The following ANK3 variants were observed in gnomAD, a reference collection of about 807,000 sequenced individuals.
ANK3 encodes ankyrin-3.
In ANK3, 57 loss-of-function variants were observed where a neutral mutation model predicts 370.9. That is an observed-to-expected ratio of 0.15 (90% confidence interval 0.12 to 0.19). ANK3 has a LOEUF of 0.19. Among genes scored for constraint, ANK3 ranks in the 10% least tolerant of loss-of-function variants. The pLI, the probability that ANK3 is intolerant of heterozygous loss-of-function variation, is 1.00. For synonymous variants in ANK3, 1,929 were observed against 1,946.3 expected (o/e 0.99, Z 0.23); for missense variants, 4,439 against 5,302.1 (o/e 0.84, Z 5.06).
intron 1 of ANK3, among the ~76,000 whole-genome samples, chr10:60,289,108 C>G (rs75128948): frequency 9.9e-5 from 15 of 152,120 alleles, no homozygotes; most frequent in African/African-American, 3.4e-4. Context: ...CCTAGGGGGG[C>G]TAGCTGTGGA....
chr10:60,444,210 T>G (rs1324846663), intron 2 of ANK3, among the ~76,000 whole-genome samples: 1 of 152,090 alleles, frequency 6.6e-6, no homozygotes, highest in Non-Finnish European at 1.5e-5. Flanking sequence ...TTCTGGCAAC[T>G]GATTATGGTA....
At chr10:60,433,227 G>C (rs2064075489) in intron 2 of ANK3, among the ~76,000 whole-genome samples, 1 of 152,150 alleles carries the variant, frequency 6.6e-6, no homozygotes, top group Admixed American at 6.5e-5. Flanking sequence ...GGAGGCCAAG[G>C]TGGGTGGATT....
intron 2 of ANK3, among the ~76,000 whole-genome samples, chr10:60,536,060 T>C (rs556754255): frequency 6.6e-6 from 1 of 152,230 alleles, no homozygotes; most frequent in South Asian, 2.1e-4. Flanking sequence ...AAAAGAATTC[T>C]ATGTGGTTGC....
At chr10:60,039,068 T>C (rs946843935) in intron 43 of ANK3, among the ~76,000 whole-genome samples, 17 of 152,204 alleles carry the variant, frequency 1.1e-4, no homozygotes, top group Admixed American at 3.3e-4. Flanking sequence ...CATTTCTTTT[T>C]CCCATTGCAG....
intron 11 of ANK3, among the ~76,000 whole-genome samples, chr10:60,204,735 C>G (rs1591699436): frequency 6.6e-6 from 1 of 152,018 alleles, no homozygotes; most frequent in African/African-American, 2.4e-5. Context: ...TTCCAAGGAG[C>G]CTTCAGCCTC....
At chr10:60,193,858 C>A (rs534116863) in intron 16 of ANK3, among the ~76,000 whole-genome samples, 1 of 151,764 alleles carries the variant, frequency 6.6e-6, no homozygotes, top group African/African-American at 2.4e-5. Flanking sequence ...AGGTAGCTCA[C>A]CCCTGTAATC....
intron 9 of ANK3, 92 bp from the exon 10 acceptor site, chr10:60,208,325 C>T: frequency 2.7e-6 from 3 of 1,113,036 alleles, no homozygotes; most frequent in Middle Eastern, 2.3e-4. Context: ...GATAAAAACT[C>T]CAGTTCTTCA....
At chr10:60,534,534 T>C (rs2076680058) in intron 2 of ANK3, among the ~76,000 whole-genome samples, 1 of 152,070 alleles carries the variant, frequency 6.6e-6, no homozygotes, top group Non-Finnish European at 1.5e-5. Context: ...GTCCTATGCA[T>C]AAAATATATT....
At chr10:60,733,399 G>A (rs2080056276) in exon 1 of ANK3, 1 of 1,182,402 alleles carries the variant, frequency 8.5e-7, no homozygotes. Context: ...TCCAAACGTG[G>A]GACTTCTTGG....
In ANK3 at chr10:60,027,015, G is replaced by C. The variant is rs754724588; in HGVS notation, c.*2831C>G. The C allele has an allele frequency of 6.6e-6, 1 of 152,114 alleles. No individual in the cohort carries two copies. 9.4% of individuals were successfully genotyped at this position (152,114 alleles called of 1,614,324 possible). On this transcript the variant is annotated 3_prime_UTR_variant, in exon 44 of 44. Transcript: ENST00000280772. Reference sequence around the variant, plus strand: ...TATATGCATATACACACATATGCAAGTTAAATCTTGAATGTCATATTTTGG... The same window carrying C: ...TATATGCATATACACACATATGCAACTTAAATCTTGAATGTCATATTTTGG...
At chr10:60,141,621 C>G (rs1308525334) in intron 23 of ANK3, among the ~76,000 whole-genome samples, 1 of 121,532 alleles carries the variant, frequency 8.2e-6, no homozygotes, top group African/African-American at 3.1e-5. Flanking sequence ...CCGAGAATAC[C>G]TGGAGAATTG....
chr10:60,069,917 G>A lies in ANK3; in HGVS notation c.10964C>T (p.Thr3655Ile). ...DQGEGDKSMVTATPQPQSGDT... is the reference protein window; with the variant it reads ...DQGEGDKSMVIATPQPQSGDT... The stretch of plus-strand genomic sequence containing the variant: ...CCCTGACTGTGGCTGTGGTGTGGCA[G>A]TGACCATACTTTTATCCCCTTCCCC... The change falls in exon 37 of 44, where the codon ACT becomes ATT. Residue 3655 changes from threonine to isoleucine, a missense_variant. Physicochemically the swap from Thr to Ile is moderately conservative, Grantham distance 89. Around this residue, in one of 13 missense-constraint regions of ANK3, gnomAD observed 496 missense variants for 529.3 expected, o/e 0.94. Coordinates refer to ENST00000280772, the MANE Select transcript of ANK3 (RefSeq NM_020987.5). The A allele has an allele frequency of 6.2e-7, 1 of 1,613,988 alleles. No individual in the cohort carries two copies. Among genetic ancestry groups the A allele is most frequent in the Non-Finnish European group, 8.5e-7 (1 of 1,179,998 alleles).
At chr10:60,494,203 C>A (rs906396592) in intron 2 of ANK3, among the ~76,000 whole-genome samples, 1 of 151,836 alleles carries the variant, frequency 6.6e-6, no homozygotes, top group Non-Finnish European at 1.5e-5. Flanking sequence ...CTATTTGAGT[C>A]AAGATTTCTA....
At chr10:60,372,643 A>G (rs1280541973) in intron 1 of ANK3, among the ~76,000 whole-genome samples, 1 of 152,196 alleles carries the variant, frequency 6.6e-6, no homozygotes, top group East Asian at 1.9e-4. Flanking sequence ...AGAGACTGAC[A>G]AAGCATAGAG....
intron 2 of ANK3, among the ~76,000 whole-genome samples, chr10:60,517,840 C>T (rs1191827508): frequency 3.3e-5 from 5 of 152,030 alleles, no homozygotes; most frequent in Middle Eastern, 3.4e-3. Flanking sequence ...GCCACTGGGG[C>T]CTCCCTCCCC....
intron 2 of ANK3, chr10:60,573,067 G>T (rs763851425): frequency 6.5e-5 from 60 of 922,488 alleles, no homozygotes; most frequent in Non-Finnish European, 7.1e-5. Context: ...TAACACATGT[G>T]TTGAATGCAT....
At chr10:60,483,702 T>G (rs1007462431) in intron 2 of ANK3, among the ~76,000 whole-genome samples, 1 of 152,096 alleles carries the variant, frequency 6.6e-6, no homozygotes, top group Non-Finnish European at 1.5e-5. Flanking sequence ...AGCCTGAATG[T>G]TTTCTCGACC....
chr10:60,615,340 A>G, intron 1 of ANK3: 1 of 574,712 alleles, frequency 1.7e-6, no homozygotes, highest in East Asian at 3.3e-5. Context: ...TAAGTTCCTT[A>G]AAAGGGGAGA....
At chr10:60,578,004 A>C (rs1329885952) in intron 2 of ANK3, among the ~76,000 whole-genome samples, 9 of 152,200 alleles carry the variant, frequency 5.9e-5, no homozygotes, top group Non-Finnish European at 1.2e-4. Flanking sequence ...GATCATTTGT[A>C]AATTAAGATA....
Sources: allele counts gnomAD v4.1 joint callset (sites outside exome capture counted in the v4.1 genomes callset), GRCh38; gene constraint gnomAD v4.1.1; regional missense constraint gnomAD v4.1.1; transcripts MANE v1.5; gene names NCBI Gene and HGNC (gene_info 2026-07-23, HGNC 2026-07-21).